Variants in SHROOM3 observed in about 807,000 individuals in gnomAD.
SHROOM3 encodes protein Shroom3.
In SHROOM3, 47 loss-of-function variants were observed where a neutral mutation model predicts 138.6. The observed-to-expected ratio is 0.34, with a 90% CI of 0.27 to 0.43. The LOEUF (loss-of-function observed/expected upper bound fraction) is 0.43, where lower values mean the gene tolerates loss of function less well. SHROOM3 is among the 20% of genes least tolerant of loss of function. The pLI is 1.00. For missense variants in SHROOM3, 2,491 were observed against 2,596.5 expected (o/e 0.96, Z 0.88); for synonymous variants, 1,062 against 1,063.3 (o/e 1.00, Z 0.02).
chr4:76,623,816 A>G (rs1431959534), intron 2 of SHROOM3, among the ~76,000 whole-genome samples: 1 of 152,192 alleles, frequency 6.6e-6, no homozygotes, highest in Admixed American at 6.5e-5. Flanking sequence ...AATTGAATGA[A>G]CACGCCTGGG....
At position 76,627,808 on chromosome 4, in the gene SHROOM3, G is replaced by A. The variant is rs147773686; in HGVS notation, c.323+72045G>A. ...CTGCCTCAGCCTCCCCAGTAGCTGG[G>A]ACTACGGGTGTGTGCCACCATGTCC... On this transcript the variant is annotated intron_variant, in intron 2 of 10. Coordinates refer to ENST00000296043, the MANE Select transcript of SHROOM3 (RefSeq NM_020859.4). Among the ~76,000 whole-genome samples the A allele has an allele frequency of 1.4e-3, 207 of 152,172 alleles. 3 individuals carry two copies. Among genetic ancestry groups the A allele is most frequent in the African/African-American group, 4.8e-3 (199 of 41,514 alleles).
At chr4:76,488,101 A>T (rs974921401) in intron 1 of SHROOM3, among the ~76,000 whole-genome samples, 1 of 152,170 alleles carries the variant, frequency 6.6e-6, no homozygotes, top group Non-Finnish European at 1.5e-5. Flanking sequence ...GTATTGTGCT[A>T]TTGGAGTTAT....
In SHROOM3 at chr4:76,715,140, CT is replaced by C. The variant is rs574781959; in HGVS notation, c.455+4854del. Among the ~76,000 whole-genome samples, 275 of 152,294 alleles carry C rather than the reference CT, an allele frequency of 1.8e-3. 2 individuals carry two copies. The highest frequency in any genetic ancestry group is 1.5e-3 in the Admixed American group (23 of 15,296). ...ATACTGATTTTGGAATTGGAAAGTGCTGTGGTCACCTCATGAGCTAGTTCCA... is the reference window on the plus strand; with the variant it reads ...ATACTGATTTTGGAATTGGAAAGTGCGTGGTCACCTCATGAGCTAGTTCCA... On this transcript the variant is annotated intron_variant, in intron 3 of 10. Coordinates refer to ENST00000296043, the MANE Select transcript of SHROOM3 (RefSeq NM_020859.4).
At chr4:76,532,318 A>T (rs1392005474) in intron 1 of SHROOM3, 2 of 152,226 alleles carry the variant, frequency 1.3e-5, no homozygotes, top group Admixed American at 1.3e-4. Context: ...TGTGCTGCTG[A>T]AGCGAGCACC....
chr4:76,623,375 A>T (rs1274803715), intron 2 of SHROOM3, among the ~76,000 whole-genome samples: 1 of 152,222 alleles, frequency 6.6e-6, no homozygotes, highest in Non-Finnish European at 1.5e-5. Flanking sequence ...AGCATGAGTC[A>T]AATTGGAAAC....
rs150704894 is a variant in SHROOM3 at position 76,755,085 on chromosome 4, G to T, written c.4602G>T (p.Pro1534=). 870 of 744,110 alleles carry T rather than the reference G, an allele frequency of 1.2e-3. 6 individuals carry two copies. In the African/African-American group the frequency reaches 0.02, roughly 17 times the overall value. The allele number at this position is 744,110 out of a possible 1,614,324, so 46.1% of individuals were successfully genotyped here. Residue 1534 remains proline (P), a synonymous_variant, in exon 7 of 11, where the codon CCG becomes CCT. Coordinates refer to ENST00000296043, the MANE Select transcript of SHROOM3 (RefSeq NM_020859.4). The part of the protein sequence containing the change: ...EPLPPPPPPP[P]SQETPVYSMD... ...TTCCCCCACCCCCACCTCCTCCACCGAGTCAGGAAACCCCGGTGTATAGCA... is the reference window on the plus strand; with the variant it reads ...TTCCCCCACCCCCACCTCCTCCACCTAGTCAGGAAACCCCGGTGTATAGCA...
Position 76,754,306 on chromosome 4 carries a change from T to G in SHROOM3, c.3828-5T>G. On this transcript the variant is annotated splice_region_variant and splice_polypyrimidine_tract_variant and intron_variant, in intron 6 of 10. Transcript: ENST00000296043. ...TGTAACCCTCCTGTCTGTGTGCCGT[T>G]CCAGGTCACTCAGTTGTTCAGAAAG... 1 of 1,614,116 alleles carries G rather than the reference T, an allele frequency of 6.2e-7. No individual in the cohort carries two copies. The highest frequency in any genetic ancestry group is 1.7e-5 in the Admixed American group (1 of 60,020).
chr4:76,633,276 G>A (rs1488352393), intron 2 of SHROOM3, among the ~76,000 whole-genome samples: 1 of 148,880 alleles, frequency 6.7e-6, no homozygotes, highest in Non-Finnish European at 1.5e-5. Context: ...GGGAAGTGGA[G>A]GTTGCAGTGG....
At chr4:76,742,268 A>G (rs1281221700) in intron 5 of SHROOM3, 1 of 354,914 alleles carries the variant, frequency 2.8e-6, no homozygotes, top group African/African-American at 2.1e-5. Context: ...TTTTTAATGG[A>G]TTAGAGTCTG....
intron 1 of SHROOM3, among the ~76,000 whole-genome samples, chr4:76,528,201 T>C (rs1732741024): frequency 6.6e-6 from 1 of 152,198 alleles, no homozygotes; most frequent in South Asian, 2.1e-4. Context: ...TTCTCTATAA[T>C]TGAATTAGAT....
chr4:76,736,958 G>A (rs1026064505), intron 4 of SHROOM3, among the ~76,000 whole-genome samples: 1 of 152,134 alleles, frequency 6.6e-6, no homozygotes, highest in Non-Finnish European at 1.5e-5. Context: ...TTATATTAGG[G>A]TTCACTGTTG....
At position 76,485,145 on chromosome 4, in the gene SHROOM3, T is replaced by C. The variant is rs545909141; in HGVS notation, c.168+48925T>C. Among the ~76,000 whole-genome samples the C allele has an allele frequency of 1.1e-4, 17 of 152,280 alleles. No individual in the cohort carries two copies. The South Asian group carries it at 3.5e-3, about 32-fold the overall frequency. The stretch of plus-strand genomic sequence containing the variant: ...AGAAGCTGCGATGTTAAATTAGGGG[T>C]CAACTGTCCCTTGCCCCCCTCCCTT... On this transcript the variant is annotated intron_variant, in intron 1 of 10. Coordinates refer to ENST00000296043, the MANE Select transcript of SHROOM3 (RefSeq NM_020859.4).
At chr4:76,496,809 T>C (rs1658547082) in intron 1 of SHROOM3, among the ~76,000 whole-genome samples, 1 of 152,184 alleles carries the variant, frequency 6.6e-6, no homozygotes, top group Non-Finnish European at 1.5e-5. Context: ...GGCTTAAATG[T>C]CTCTCTTCTC....
At position 76,555,709 on chromosome 4, in the gene SHROOM3, A is replaced by C. The variant is rs1733470396; in HGVS notation, c.269A>C (p.Glu90Ala). The C allele has an allele frequency of 3.1e-6, 5 of 1,613,968 alleles. No individual in the cohort carries two copies. The highest frequency in any genetic ancestry group is 4.2e-6 in the Non-Finnish European group (5 of 1,179,990). The change falls in exon 2 of 11, where the codon GAG becomes GCG. Residue 90 changes from glutamate to alanine, a missense_variant. By Grantham distance (107) the Glu-to-Ala change is moderately radical. This residue lies in a region of SHROOM3 where 284 missense variants were observed against 322.8 expected (regional missense o/e 0.88). Transcript: ENST00000296043. ...NEVTLSSSRKEAVSLVKGSYK... is the reference protein window; with the variant it reads ...NEVTLSSSRKAAVSLVKGSYK... Reference sequence around the variant, plus strand: ...GTGACTCTGAGCAGCTCCAGAAAGGAGGCAGTTTCCCTGGTGAAAGGATCC... The same window carrying C: ...GTGACTCTGAGCAGCTCCAGAAAGGCGGCAGTTTCCCTGGTGAAAGGATCC...
chr4:76,457,375 A>C (rs550596599), intron 1 of SHROOM3, among the ~76,000 whole-genome samples: 14 of 152,134 alleles, frequency 9.2e-5, no homozygotes, highest in Admixed American at 5.2e-4. Context: ...AAGATGCCTC[A>C]TTCCCCCTTT....
chr4:76,536,034 G>A (rs775820959), intron 1 of SHROOM3, among the ~76,000 whole-genome samples: 31 of 152,244 alleles, frequency 2.0e-4, no homozygotes, highest in Non-Finnish European at 2.6e-4. Flanking sequence ...ATCTGAGCGA[G>A]ACCCAGGGTT....
chr4:76,507,722 T>A (rs535684845), intron 1 of SHROOM3, among the ~76,000 whole-genome samples: 4 of 151,998 alleles, frequency 2.6e-5, no homozygotes, highest in Non-Finnish European at 5.9e-5. Context: ...TTTTTTGTAT[T>A]TTTAGTAGAG....
intron 1 of SHROOM3, 21 bp downstream of exon 1, chr4:76,436,241 T>G: frequency 6.2e-7 from 1 of 1,613,474 alleles, no homozygotes; most frequent in Non-Finnish European, 8.5e-7. Context: ...TTTTCCAATA[T>G]TGCCTTTATT....
intron 10 of SHROOM3, among the ~76,000 whole-genome samples, chr4:76,773,909 T>C (rs1352696245): frequency 6.6e-6 from 1 of 152,180 alleles, no homozygotes; most frequent in Non-Finnish European, 1.5e-5. Flanking sequence ...CACTAGACTT[T>C]AGACTTCAGC....
Sources: allele counts gnomAD v4.1 joint callset (sites outside exome capture counted in the v4.1 genomes callset), GRCh38; gene constraint gnomAD v4.1.1; regional missense constraint gnomAD v4.1.1; transcripts MANE v1.5; gene names NCBI Gene and HGNC (gene_info 2026-07-23, HGNC 2026-07-21).